SLC44A5: variants seen among roughly 807,000 people sequenced by gnomAD.
SLC44A5 encodes the protein solute carrier family 44 member 5.
In SLC44A5, 57 loss-of-function variants were observed where a neutral mutation model predicts 101.8. That is an observed-to-expected ratio of 0.56 (90% CI 0.45 to 0.70). SLC44A5 has a LOEUF of 0.70. SLC44A5 is among the 30% of genes least tolerant of loss of function. SLC44A5 has a pLI of 0.00. For synonymous variants in SLC44A5, 281 were observed against 290.9 expected, an observed-to-expected ratio of 0.97 and a Z score of 0.35; for missense variants, 737 against 853.1, an observed-to-expected ratio of 0.86 and a Z score of 1.70.
At chr1:75,242,134 C>G (rs1648688837) in intron 8 of SLC44A5, 73 bp from the exon 9 acceptor site, 1 of 1,203,208 alleles carries the variant, frequency 8.3e-7, no homozygotes, top group Non-Finnish European at 1.2e-6. Flanking sequence ...CTAAATATGT[C>G]CTTTAAAAAA....
chr1:75,722,446 A>G, the SLC44A5 span, among the ~76,000 whole-genome samples: 1 of 152,234 alleles, frequency 6.6e-6, no homozygotes, highest in African/African-American at 2.4e-5. Context: ...GTTTCTCATA[A>G]ATGCAGAACG....
intron 2 of SLC44A5, among the ~76,000 whole-genome samples, chr1:75,527,619 C>T (rs910067253): frequency 6.6e-6 from 1 of 152,102 alleles, no homozygotes; most frequent in Non-Finnish European, 1.5e-5. Flanking sequence ...TTCTTTACCA[C>T]CTATTGATTG....
chr1:75,480,276 A>T (rs1005976007), intron 2 of SLC44A5, among the ~76,000 whole-genome samples: 9 of 152,194 alleles, frequency 5.9e-5, no homozygotes, highest in African/African-American at 9.7e-5. Context: ...GCTATCTATG[A>T]CAAACCCACA....
intron 1 of SLC44A5, among the ~76,000 whole-genome samples, chr1:75,609,172 T>C (rs993355977): frequency 3.3e-5 from 5 of 151,758 alleles, no homozygotes; most frequent in Non-Finnish European, 7.4e-5. Context: ...TTAAATCCTC[T>C]TTCTCAGTCT....
chr1:75,411,807 T>C (rs551532455), intron 2 of SLC44A5, among the ~76,000 whole-genome samples: 65 of 152,268 alleles, frequency 4.3e-4, no homozygotes, highest in African/African-American at 1.4e-3. Flanking sequence ...CATTTTTTCA[T>C]CTTTATCCTT....
chr1:75,644,527 G>A, the SLC44A5 span, among the ~76,000 whole-genome samples: 1 of 151,646 alleles, frequency 6.6e-6, no homozygotes, highest in East Asian at 1.9e-4. Flanking sequence ...GTGGAAAAAA[G>A]ATTTATTTCT....
At chr1:75,600,798 C>A (rs1233469797) in intron 1 of SLC44A5, among the ~76,000 whole-genome samples, 1 of 152,058 alleles carries the variant, frequency 6.6e-6, no homozygotes, top group Non-Finnish European at 1.5e-5. Context: ...ATAGGCTATA[C>A]CATATAGCCT....
chr1:75,222,272 G>A (rs1347199563), intron 14 of SLC44A5, 89 bp downstream of exon 14: 2 of 1,029,078 alleles, frequency 1.9e-6, no homozygotes, highest in African/African-American at 3.2e-5. Context: ...GTTCTTAAAA[G>A]GAAAATAGGT....
intron 9 of SLC44A5, among the ~76,000 whole-genome samples, chr1:75,239,735 G>A (rs970472701): frequency 1.3e-5 from 2 of 151,998 alleles, no homozygotes; most frequent in African/African-American, 4.8e-5. Flanking sequence ...TCCTCCCAGT[G>A]ATCCCAATGA....
At chr1:75,280,593 C>A (rs1258475881) in intron 5 of SLC44A5, among the ~76,000 whole-genome samples, 1 of 148,204 alleles carries the variant, frequency 6.7e-6, no homozygotes, top group Non-Finnish European at 1.5e-5. Flanking sequence ...TGTGTCCCCA[C>A]TAAAATCTCA....
intron 7 of SLC44A5, among the ~76,000 whole-genome samples, chr1:75,245,960 C>A (rs1649068448): frequency 6.6e-6 from 1 of 152,074 alleles, no homozygotes; most frequent in South Asian, 2.1e-4. Context: ...CTGGACCATG[C>A]CAGCAGTTAA....
intron 1 of SLC44A5, among the ~76,000 whole-genome samples, chr1:75,545,836 T>C (rs1390035078): frequency 6.6e-6 from 1 of 151,730 alleles, no homozygotes; most frequent in Admixed American, 6.6e-5. Context: ...TTTTTTTTTT[T>C]TCTTTGAGTC....
intron 2 of SLC44A5, among the ~76,000 whole-genome samples, chr1:75,527,968 A>G (rs1670512571): frequency 6.6e-6 from 1 of 152,196 alleles, no homozygotes; most frequent in South Asian, 2.1e-4. Context: ...TAAACTTGAC[A>G]TGCATTATGT....
intron 2 of SLC44A5, among the ~76,000 whole-genome samples, chr1:75,423,551 G>A (rs184572284): frequency 1.1e-3 from 167 of 152,226 alleles, no homozygotes; most frequent in South Asian, 3.5e-3. Flanking sequence ...TGAAGCTTTC[G>A]CATCATATTT....
chr1:75,517,197 T>C (rs1669881501), intron 2 of SLC44A5, among the ~76,000 whole-genome samples: 1 of 152,198 alleles, frequency 6.6e-6, no homozygotes, highest in African/African-American at 2.4e-5. Context: ...TTTCTTTTAA[T>C]TTGTCTGCCC....
At chr1:75,443,242 C>T (rs1212595859) in intron 2 of SLC44A5, among the ~76,000 whole-genome samples, 1 of 150,852 alleles carries the variant, frequency 6.6e-6, no homozygotes, top group Non-Finnish European at 1.5e-5. Context: ...CTTAAGAAGT[C>T]AGAAAACAAT....
chr1:75,273,777 G>A (rs1651687897), intron 6 of SLC44A5, among the ~76,000 whole-genome samples: 1 of 152,052 alleles, frequency 6.6e-6, no homozygotes, highest in Non-Finnish European at 1.5e-5. Flanking sequence ...GATTCAGTTA[G>A]CTAGTATTTT....
intron 2 of SLC44A5, among the ~76,000 whole-genome samples, chr1:75,448,985 T>C (rs1333001304): frequency 6.6e-6 from 1 of 152,118 alleles, no homozygotes; most frequent in African/African-American, 2.4e-5. Context: ...AACCACAGCA[T>C]GCTCTCTCCC....
intron 1 of SLC44A5, among the ~76,000 whole-genome samples, chr1:75,609,951 C>T (rs1000415208): frequency 7.9e-5 from 12 of 151,880 alleles, no homozygotes; most frequent in African/African-American, 2.4e-4. Context: ...AGCTCTGGGT[C>T]GGGGCTATCA....
Sources: allele counts gnomAD v4.1 joint callset (sites outside exome capture counted in the v4.1 genomes callset), GRCh38; gene constraint gnomAD v4.1.1; transcripts MANE v1.5; gene names NCBI Gene and HGNC (gene_info 2026-07-23, HGNC 2026-07-21).